MEI4: variants seen among roughly 807,000 people sequenced by gnomAD.
MEI4 encodes meiotic double-stranded break formation protein 4, also known as meiosis-specific protein MEI4.
In MEI4, 27 loss-of-function variants were observed where a neutral mutation model predicts 31.4. The ratio of observed to expected loss-of-function variants is 0.86; its 90% CI spans 0.63 to 1.19. The LOEUF is 1.19. Among genes scored for constraint, MEI4 ranks in the 50% most tolerant of loss-of-function variants. The pLI is 0.00. For synonymous variants in MEI4, 122 were observed against 145.4 expected (o/e 0.84, Z 1.16); for missense variants, 329 against 398.9 (o/e 0.82, Z 1.49).
At chr6:77,835,696 T>C (rs1279431911) in intron 4 of MEI4, among the ~76,000 whole-genome samples, 1 of 152,102 alleles carries the variant, frequency 6.6e-6, no homozygotes, top group African/African-American at 2.4e-5. Flanking sequence ...AAATTCACTG[T>C]ACTAAGGAGA....
intron 2 of MEI4, among the ~76,000 whole-genome samples, chr6:77,755,825 G>GGT (rs34181852): frequency 0.15 from 22,088 of 145,166 alleles, 1,597 homozygotes; most frequent in Admixed American, 0.18. Flanking sequence ...GTGCTGGAAT[G>GGT]GTGTGTGTGT....
intron 2 of MEI4, among the ~76,000 whole-genome samples, chr6:77,747,712 T>C (rs536542671): frequency 6.6e-6 from 1 of 152,276 alleles, no homozygotes; most frequent in East Asian, 1.9e-4. Flanking sequence ...TCTCACATTT[T>C]AAAACACAAT....
rs528113661 is a variant in MEI4, at chr6:77,813,108, C to A, written c.769-15823C>A. 2.0e-5 allele frequency among the ~76,000 whole-genome samples: 3 copies of A among 152,128 alleles called. No individual in the cohort carries two copies. The East Asian group carries it at 5.8e-4, about 29-fold the overall frequency. On this transcript the variant is annotated intron_variant, in intron 3 of 4. Transcript: ENST00000684080. Reference sequence around the variant, plus strand: ...TCTTATCTTCCATGAGTAAATATATCCTGGAGCAACAGCTAAGTTTTTGGT... The same window carrying A: ...TCTTATCTTCCATGAGTAAATATATACTGGAGCAACAGCTAAGTTTTTGGT...
At chr6:77,695,892 A>T (rs1766022477) in intron 2 of MEI4, among the ~76,000 whole-genome samples, 2 of 151,902 alleles carry the variant, frequency 1.3e-5, no homozygotes, top group South Asian at 4.1e-4. Context: ...CTTCCTACCC[A>T]TGAGCATGGA....
intron 3 of MEI4, among the ~76,000 whole-genome samples, chr6:77,815,627 T>A (rs940630144): frequency 3.3e-5 from 5 of 152,118 alleles, no homozygotes; most frequent in Non-Finnish European, 7.4e-5. Flanking sequence ...CAGACATATC[T>A]GACCTTGCTA....
At chr6:77,848,493 A>C (rs1261299115) in intron 4 of MEI4, among the ~76,000 whole-genome samples, 2 of 152,198 alleles carry the variant, frequency 1.3e-5, no homozygotes, top group Admixed American at 6.5e-5. Context: ...AGTAAATAAA[A>C]ACTAAAGAAT....
At position 77,894,289 on chromosome 6, in the gene MEI4, C is replaced by A. The variant is rs1766034659; in HGVS notation, c.901-28800C>A. Among the ~76,000 whole-genome samples, 7 of 151,954 alleles carry A rather than the reference C, an allele frequency of 4.6e-5. No individual in the cohort carries two copies. The South Asian group carries it at 1.5e-3, about 31-fold the overall frequency. On this transcript the variant is annotated intron_variant, in intron 4 of 4. Coordinates refer to ENST00000684080, the MANE Select transcript of MEI4 (RefSeq NM_001322247.2). ...AAAAAGTAATTTATCAAAATTAGTACATAAAGACCTGACAAGGGTGACTTA... is the reference window on the plus strand; with the variant it reads ...AAAAAGTAATTTATCAAAATTAGTAAATAAAGACCTGACAAGGGTGACTTA...
At chr6:77,695,887 TACCC>T (rs1003241156) in intron 2 of MEI4, among the ~76,000 whole-genome samples, 160 of 152,362 alleles carry the variant, frequency 1.1e-3, no homozygotes, top group Non-Finnish European at 2.4e-4. Context: ...AGATTCTTCC[TACCC>T]ATGAGCATGG....
In MEI4 at chr6:77,924,993, C is replaced by G. The variant is rs1259498677; in HGVS notation, c.*1647C>G. ...GAGGGATTTTTCTAATGTCTGATTC[C>G]TGTGAACACCTGTGAAGGCTTATGG... On this transcript the variant is annotated 3_prime_UTR_variant, in exon 5 of 5. Transcript: ENST00000684080. The G allele has an allele frequency of 6.6e-6, 1 of 151,796 alleles. No homozygotes were observed. Among genetic ancestry groups the G allele is most frequent in the Non-Finnish European group, 1.5e-5 (1 of 67,868 alleles). 9.4% of individuals were successfully genotyped at this position (151,796 alleles called of 1,614,324 possible).
At chr6:77,685,570 A>G (rs1322368615) in intron 1 of MEI4, among the ~76,000 whole-genome samples, 1 of 151,800 alleles carries the variant, frequency 6.6e-6, no homozygotes, top group Non-Finnish European at 1.5e-5. Context: ...CCATTTGTCT[A>G]TTTTTACTTT....
At chr6:77,793,398 C>T (rs957116861) in intron 3 of MEI4, among the ~76,000 whole-genome samples, 2 of 152,100 alleles carry the variant, frequency 1.3e-5, no homozygotes, top group African/African-American at 4.8e-5. Context: ...ATAGGGCGTT[C>T]TTTGGGTTGA....
chr6:77,908,214 G>T (rs965819135), intron 4 of MEI4, among the ~76,000 whole-genome samples: 4 of 152,076 alleles, frequency 2.6e-5, no homozygotes, highest in Admixed American at 2.6e-4. Context: ...TAGCCATGAA[G>T]TCCTTGCCCA....
intron 4 of MEI4, among the ~76,000 whole-genome samples, chr6:77,918,899 G>T (rs1766632216): frequency 6.6e-6 from 1 of 152,086 alleles, no homozygotes; most frequent in Admixed American, 6.6e-5. Flanking sequence ...GATATTGGCT[G>T]TGGGATTCTC....
At chr6:77,811,863 C>A (rs559537666) in intron 3 of MEI4, among the ~76,000 whole-genome samples, 1 of 151,624 alleles carries the variant, frequency 6.6e-6, no homozygotes, top group South Asian at 2.1e-4. Context: ...AATAGTGTTT[C>A]TATGCAGATA....
Position 77,707,828 on chromosome 6 carries a change from G to A in MEI4, c.232+16925G>A, listed in dbSNP as rs868579515. ...AGCTCAGGCTGCTGCTCTAGAGGGC[G>A]CAAGCCATAAGCCTTGGCAGCTTCC... is the stretch of plus-strand genomic sequence containing the variant. On this transcript the variant is annotated intron_variant, in intron 2 of 4. Coordinates refer to ENST00000684080, the MANE Select transcript of MEI4 (RefSeq NM_001322247.2). Among the ~76,000 whole-genome samples the A allele has an allele frequency of 1.6e-3, 240 of 152,310 alleles. 1 individual carries two copies. The highest frequency in any genetic ancestry group is 4.4e-3 in the African/African-American group (183 of 41,586).
chr6:77,799,632 A>G (rs369757188), intron 3 of MEI4, among the ~76,000 whole-genome samples: 1 of 152,294 alleles, frequency 6.6e-6, no homozygotes, highest in Non-Finnish European at 1.5e-5. Flanking sequence ...TTTAGGTCTA[A>G]TGTTCAAGTC....
rs1766752677 is a variant in MEI4 at position 77,923,233 on chromosome 6, A to C, written c.1045A>C (p.Lys349Gln). ...CCAAGAAATCAAGAAATTTCTTCAG[A>C]AGCATGATGAAACTATTTTCCAACT... ...DDQEIKKFLQ[K>Q]HDETIFQLSD... Residue 349 changes from lysine (K) to glutamine (Q), a missense_variant, in exon 5 of 5, where the codon AAG (lysine) becomes CAG (glutamine). Coordinates refer to ENST00000684080, the MANE Select transcript of MEI4 (RefSeq NM_001322247.2). The C allele has an allele frequency of 8.1e-6, 10 of 1,230,432 alleles. No individual in the cohort carries two copies. The highest frequency in any genetic ancestry group is 1.6e-5 in the African/African-American group (1 of 64,256). 76.2% of individuals were successfully genotyped at this position (1,230,432 alleles called of 1,614,324 possible). A position where few individuals can be genotyped will look rare whatever the true frequency, so the allele number is the denominator to read the frequency against.
intron 2 of MEI4, among the ~76,000 whole-genome samples, chr6:77,698,911 G>A (rs566747689): frequency 1.3e-4 from 20 of 152,260 alleles, no homozygotes; most frequent in Non-Finnish European, 2.5e-4. Flanking sequence ...ACACCAATCA[G>A]ACGTAGATTT....
chr6:77,704,475 A>G (rs1240477110), intron 2 of MEI4, among the ~76,000 whole-genome samples: 1 of 152,236 alleles, frequency 6.6e-6, no homozygotes, highest in Non-Finnish European at 1.5e-5. Context: ...ATAGAATTCT[A>G]GAACAATGAC....
Sources: gnomAD v4.1 joint callset for allele counts (sites outside exome capture counted in the v4.1 genomes callset) on GRCh38, gnomAD v4.1.1 for gene constraint, MANE v1.5 for transcripts, NCBI Gene and HGNC (gene_info 2026-07-23, HGNC 2026-07-21) for gene names.